The following PCDHA9 variants were observed in gnomAD, a reference collection of about 807,000 sequenced individuals.
PCDHA9 encodes protocadherin alpha 9.
PCDHA9 carries 62 observed loss-of-function variants against 62.0 expected under a neutral mutation model. The observed-to-expected ratio is 1.00, with a 90% confidence interval of 0.81 to 1.23. The LOEUF (loss-of-function observed/expected upper bound fraction) is 1.23, where lower values mean the gene tolerates loss of function less well. Among genes scored for constraint, PCDHA9 ranks in the 50% most tolerant of loss-of-function variants. The pLI is 0.00. For synonymous variants in PCDHA9, 557 were observed against 567.6 expected, an observed-to-expected ratio of 0.98 and a Z score of 0.27; for missense variants, 1,205 against 1,249.8, an observed-to-expected ratio of 0.96 and a Z score of 0.54.
intron 1 of PCDHA9, 102 bp from the exon 2 acceptor site, chr5:140,978,847 G>GA: frequency 6.4e-7 from 1 of 1,570,216 alleles, no homozygotes; most frequent in Non-Finnish European, 8.6e-7. Context: ...TACTTTTTTA[G>GA]ATGCCTGGAA....
At chr5:140,978,788 T>TA (rs2096823213) in intron 1 of PCDHA9, 161 bp from the exon 2 acceptor site, 1 of 974,810 alleles carries the variant, frequency 1.0e-6, no homozygotes, top group Non-Finnish European at 1.2e-6. Flanking sequence ...TCTAAAGTGC[T>TA]ATATATGTAG....
intron 1 of PCDHA9, among the ~76,000 whole-genome samples, chr5:140,909,403 G>A (rs533159317): frequency 2.0e-4 from 31 of 152,280 alleles, no homozygotes; most frequent in African/African-American, 7.2e-4. Flanking sequence ...AGCTGCAATT[G>A]CAGTTACCAT....
intron 1 of PCDHA9, among the ~76,000 whole-genome samples, chr5:140,950,490 C>A (rs2153689793): frequency 6.6e-6 from 1 of 152,114 alleles, no homozygotes; most frequent in South Asian, 2.1e-4. Context: ...AGTGTGTAGT[C>A]ATTTAAGTCA....
In PCDHA9 at chr5:140,850,494, G is replaced by A. The variant is rs140796784; in HGVS notation, c.1999G>A (p.Val667Met). ...GCTGACGGCCACGGCCACTGTGCTGGTGTCGCTGGTGGAGAGCGGCCAGGC... is the reference window on the plus strand; with the variant it reads ...GCTGACGGCCACGGCCACTGTGCTGATGTCGCTGGTGGAGAGCGGCCAGGC... ...PALTATATVL[V>M]SLVESGQAPK... The change falls in exon 1 of 4, where the codon GTG becomes ATG. Residue 667 changes from valine to methionine, a missense_variant. This residue lies in a region of PCDHA9 where 887 missense variants were observed against 809.5 expected (regional missense o/e 1.10). Transcript: ENST00000532602. The A allele has an allele frequency of 3.1e-5, 50 of 1,598,140 alleles. 3 individuals carry two copies. In the African/African-American group the frequency reaches 5.6e-4, roughly 18 times the overall value.
rs113297104 is a variant in PCDHA9 at position 140,984,945 on chromosome 5, CT to C, written c.2542+2392del. On this transcript the variant is annotated intron_variant, in intron 3 of 3. Transcript: ENST00000532602. The stretch of plus-strand genomic sequence containing the variant: ...GACATATAGTTAATAAATGTCTAAT[CT>C]TTTTTTTTTGAGACAGAGTCTCGCT... Among the ~76,000 whole-genome samples the C allele has an allele frequency of 9.4e-3, 1,407 of 149,276 alleles. 15 individuals are homozygous for C. Among genetic ancestry groups the C allele is most frequent in the East Asian group, 0.044 (226 of 5,092 alleles).
At chr5:140,967,146 A>G (rs782158011) in intron 1 of PCDHA9, 2 of 1,610,972 alleles carry the variant, frequency 1.2e-6, no homozygotes, top group South Asian at 1.1e-5. Flanking sequence ...CTGGCGCACA[A>G]CCCCGTGGCG....
chr5:140,882,286 A>G lies in PCDHA9; in HGVS notation c.2394+31397A>G, dbSNP rs13357748. The G allele has an allele frequency of 8.5e-4, 1,378 of 1,613,102 alleles. 12 individuals are homozygous for G. In the African/African-American group the frequency reaches 0.015, roughly 17 times the overall value. Reference sequence around the variant, plus strand: ...AGTGTACCATGCTGTCTTCCTGGCAAGGAGGCCCAAGACCGCGGCAACTAC... The same window carrying G: ...AGTGTACCATGCTGTCTTCCTGGCAGGGAGGCCCAAGACCGCGGCAACTAC... On this transcript the variant is annotated intron_variant, in intron 1 of 3. Transcript: ENST00000532602.
intron 1 of PCDHA9, among the ~76,000 whole-genome samples, chr5:140,887,132 T>A (rs2061321769): frequency 6.6e-6 from 1 of 151,950 alleles, no homozygotes; most frequent in Non-Finnish European, 1.5e-5. Context: ...AGTCTCACTC[T>A]GTCGCCCAGG....
Position 140,849,963 on chromosome 5 carries a change from G to T in PCDHA9, c.1468G>T (p.Val490Leu). 1 of 1,597,872 alleles carries T rather than the reference G, an allele frequency of 6.3e-7. No homozygotes were observed. The highest frequency in any genetic ancestry group is 1.9e-4 in the Middle Eastern group (1 of 5,342). Residue 490 changes from valine (V) to leucine (L), a missense_variant, in exon 1 of 4, where the codon GTG becomes TTG. Val to Leu is a conservative substitution (Grantham distance 32). Transcript: ENST00000532602. ...CGCTGACGCGCAGGAGAACGCCCTG[G>T]TGTCCTACTCGCTGGTGGAGCGGCG... Reference protein sequence around the residue: ...RDADAQENALVSYSLVERRLG... With the variant: ...RDADAQENALLSYSLVERRLG...
At chr5:140,941,523 A>T (rs1351933430) in intron 1 of PCDHA9, among the ~76,000 whole-genome samples, 1 of 151,186 alleles carries the variant, frequency 6.6e-6, no homozygotes, top group Non-Finnish European at 1.5e-5. Flanking sequence ...CACCATCTTG[A>T]CCAGGCTGGT....
intron 1 of PCDHA9, chr5:140,883,056 A>G (rs1554176597): frequency 6.2e-7 from 1 of 1,614,176 alleles, no homozygotes; most frequent in Admixed American, 1.7e-5. Context: ...TTAGTGATCA[A>G]GCTAAATGCC....
chr5:140,874,685 T>C (rs1212570606), intron 1 of PCDHA9, among the ~76,000 whole-genome samples: 1 of 152,234 alleles, frequency 6.6e-6, no homozygotes, highest in Non-Finnish European at 1.5e-5. Flanking sequence ...AGATTTGTTT[T>C]AACATGTTAT....
chr5:140,912,235 C>G (rs562096532), intron 1 of PCDHA9, among the ~76,000 whole-genome samples: 2 of 151,858 alleles, frequency 1.3e-5, no homozygotes, highest in South Asian at 4.2e-4. Context: ...TCCACTGACT[C>G]AAATGTTAAT....
chr5:140,883,362 C>T lies in PCDHA9; in HGVS notation c.2394+32473C>T, dbSNP rs1554177843. ...CTCCCCATCAGAGAAGACACTCAGC[C>T]TAGCGCCATTATTGCCCTAATCAGT... On this transcript the variant is annotated intron_variant, in intron 1 of 3. Transcript: ENST00000532602. The T allele has an allele frequency of 1.7e-5, 27 of 1,614,074 alleles. No homozygotes were observed. Among genetic ancestry groups the T allele is most frequent in the Non-Finnish European group, 2.3e-5 (27 of 1,180,046 alleles).
chr5:140,938,245 C>T (rs1008412260), intron 1 of PCDHA9, among the ~76,000 whole-genome samples: 1 of 152,168 alleles, frequency 6.6e-6, no homozygotes, highest in South Asian at 2.1e-4. Context: ...CATGCCTGGT[C>T]TTTTAAAAAC....
intron 1 of PCDHA9, chr5:140,884,558 C>T: frequency 3.7e-6 from 6 of 1,614,146 alleles, no homozygotes; most frequent in Non-Finnish European, 5.1e-6. Flanking sequence ...TGGGGAGGGC[C>T]CGCATAAGAC....
At chr5:141,005,199 C>T (rs2098200928) in intron 3 of PCDHA9, among the ~76,000 whole-genome samples, 1 of 152,208 alleles carries the variant, frequency 6.6e-6, no homozygotes, top group African/African-American at 2.4e-5. Flanking sequence ...TCCTTTCATT[C>T]ATTCATCCAG....
At chr5:140,937,954 G>A (rs1209058625) in intron 1 of PCDHA9, among the ~76,000 whole-genome samples, 2 of 151,226 alleles carry the variant, frequency 1.3e-5, no homozygotes, top group Non-Finnish European at 2.9e-5. Context: ...GGCTTTTGTT[G>A]AAAGTATATA....
intron 1 of PCDHA9, among the ~76,000 whole-genome samples, chr5:140,897,443 G>GT (rs1562897655): frequency 6.7e-6 from 1 of 149,986 alleles, no homozygotes; most frequent in Non-Finnish European, 1.5e-5. Flanking sequence ...GCAGTGTTTG[G>GT]TTTTTTGTCC....
Sources: allele counts gnomAD v4.1 joint callset (sites outside exome capture counted in the v4.1 genomes callset), GRCh38; gene constraint gnomAD v4.1.1; regional missense constraint gnomAD v4.1.1; transcripts MANE v1.5; gene names NCBI Gene and HGNC (gene_info 2026-07-23, HGNC 2026-07-21).